Variants in ZNF532 observed in about 807,000 individuals in gnomAD.
ZNF532 encodes zinc finger protein 532.
ZNF532 carries 22 observed loss-of-function variants against 89.3 expected under a neutral mutation model. The ratio of observed to expected loss-of-function variants is 0.25; its 90% confidence interval spans 0.18 to 0.35. ZNF532 has a LOEUF of 0.35. ZNF532 is among the 10% of genes least tolerant of loss of function. ZNF532 has a pLI of 1.00. For missense variants in ZNF532, 1,132 were observed against 1,643.4 expected (o/e 0.69, Z 5.38); for synonymous variants, 606 against 649.6 (o/e 0.93, Z 1.02).
intron 7 of ZNF532, among the ~76,000 whole-genome samples, chr18:58,971,732 G>A (rs1353243164): frequency 6.6e-6 from 1 of 152,192 alleles, no homozygotes; most frequent in Non-Finnish European, 1.5e-5. Flanking sequence ...ATTTAAAGAG[G>A]CTTATTTTTC....
At chr18:58,969,462 G>C (rs754004348) in intron 7 of ZNF532, among the ~76,000 whole-genome samples, 1 of 152,152 alleles carries the variant, frequency 6.6e-6, no homozygotes, top group Non-Finnish European at 1.5e-5. Flanking sequence ...ATCGCTGCCC[G>C]GCAGCTTGGT....
At chr18:58,966,741 T>C (rs538077640) in intron 7 of ZNF532, among the ~76,000 whole-genome samples, 1,640 of 89,990 alleles carry the variant, frequency 0.018, 19 homozygotes, top group Admixed American at 0.027. Context: ...TTTTTGTGTT[T>C]TTTTTTTTTT....
At chr18:58,981,692 A>G in intron 9 of ZNF532, 75 bp downstream of exon 9, 1 of 1,573,098 alleles carries the variant, frequency 6.4e-7, no homozygotes, top group Non-Finnish European at 8.6e-7. Flanking sequence ...TTTCCTTTCA[A>G]GTTTTTGTTG....
At position 58,984,543 on chromosome 18, in the gene ZNF532, A is replaced by C; in HGVS notation, c.*77A>C. The C allele has an allele frequency of 6.6e-7, 1 of 1,511,960 alleles. No homozygotes were observed. The highest frequency in any genetic ancestry group is 8.8e-7 in the Non-Finnish European group (1 of 1,130,430). 93.7% of individuals were successfully genotyped at this position (1,511,960 alleles called of 1,614,324 possible). ...ATTTTTGTTACAAAGTTTGCAGTATAATAGAGTTAACAGTACTGTCTAGGC... is the reference window on the plus strand; with the variant it reads ...ATTTTTGTTACAAAGTTTGCAGTATCATAGAGTTAACAGTACTGTCTAGGC... On this transcript the variant is annotated 3_prime_UTR_variant, in exon 10 of 10. Coordinates refer to ENST00000591808, the MANE Select transcript of ZNF532 (RefSeq NM_001375912.1).
intron 7 of ZNF532, among the ~76,000 whole-genome samples, chr18:58,977,203 AAGAC>A (rs772229597): frequency 1.8e-4 from 28 of 152,222 alleles, no homozygotes; most frequent in Admixed American, 9.2e-4. Context: ...GTTTATTTAA[AAGAC>A]AGACAGTATT....
intron 9 of ZNF532, among the ~76,000 whole-genome samples, chr18:58,983,106 C>G (rs997087607): frequency 1.3e-5 from 2 of 151,910 alleles, no homozygotes; most frequent in African/African-American, 4.8e-5. Flanking sequence ...CGCGAGACTC[C>G]GTCTTAAAAA....
chr18:58,951,645 T>TGTTTTTTTTTTTTTG (rs2064172954), intron 6 of ZNF532, among the ~76,000 whole-genome samples: 7 of 89,022 alleles, frequency 7.9e-5, no homozygotes, highest in Admixed American at 1.6e-4. Context: ...CTCGCCCTGT[T>TGTTTTTTTTTTTTTG]GTTTTTTTTT....
At position 58,891,554 on chromosome 18, in the gene ZNF532, G is replaced by A. The variant is rs75677963; in HGVS notation, c.-18+25975G>A. On this transcript the variant is annotated intron_variant, in intron 2 of 9. Transcript: ENST00000591808. ...AAAATGAATGAATGAAACCTGGGAC[G>A]CTTGTACTTACGAACATTTAAAAAA... Among the ~76,000 whole-genome samples the A allele has an allele frequency of 6.7e-5, 10 of 149,210 alleles. No individual in the cohort carries two copies. In the East Asian group the frequency reaches 1.6e-3, roughly 23 times the overall value.
intron 8 of ZNF532, chr18:58,979,554 AT>A (rs1161245213): frequency 3.2e-5 from 5 of 154,662 alleles, no homozygotes; most frequent in Admixed American, 6.4e-5. Flanking sequence ...CACCCAGCTA[AT>A]TTTTGTATTT....
rs747574511 is a variant in ZNF532 at position 58,934,547 on chromosome 18, A to C, written c.2461A>C (p.Arg821=). 1 of 1,614,214 alleles carries C rather than the reference A, an allele frequency of 6.2e-7. No homozygotes were observed. ...CTGCCCTGAGTGTGGGGCCATCTGC[A>C]GGTCGGTGCACTTCCAGACCCACGT... ...YTCPECGAIC[R]SVHFQTHVTK... Residue 821 remains arginine (R), a synonymous_variant, in exon 4 of 10, where the codon AGG becomes CGG. Transcript: ENST00000591808.
At chr18:58,947,713 TAAA>T (rs201656764) in intron 5 of ZNF532, among the ~76,000 whole-genome samples, 2 of 146,700 alleles carry the variant, frequency 1.4e-5, no homozygotes, top group Non-Finnish European at 3.0e-5. Flanking sequence ...TGTCTGATCT[TAAA>T]AAAAAAAATC....
chr18:58,912,470 G>C (rs1192962767), intron 2 of ZNF532, among the ~76,000 whole-genome samples: 1 of 152,160 alleles, frequency 6.6e-6, no homozygotes, highest in Non-Finnish European at 1.5e-5. Context: ...AGAAAATGAA[G>C]CTCTTGTGCT....
intron 2 of ZNF532, among the ~76,000 whole-genome samples, chr18:58,884,013 T>G (rs2058106402): frequency 6.8e-6 from 1 of 147,794 alleles, no homozygotes. Context: ...TAGTTTTCTC[T>G]TCCATGTTTT....
intron 2 of ZNF532, among the ~76,000 whole-genome samples, chr18:58,887,066 C>G (rs1298785025): frequency 6.6e-6 from 1 of 152,166 alleles, no homozygotes; most frequent in African/African-American, 2.4e-5. Flanking sequence ...TACCTGGTTC[C>G]TAAGGCTTTT....
intron 2 of ZNF532, among the ~76,000 whole-genome samples, chr18:58,885,089 A>G (rs749152396): frequency 6.6e-6 from 1 of 151,846 alleles, no homozygotes; most frequent in Admixed American, 6.6e-5. Flanking sequence ...CCTGGGTTCA[A>G]GCGATTCTCT....
At chr18:58,896,624 T>C (rs2059269727) in intron 2 of ZNF532, 1 of 152,682 alleles carries the variant, frequency 6.5e-6, no homozygotes, top group Non-Finnish European at 1.5e-5. Context: ...TTTATCAAGG[T>C]ATAACAATAC....
intron 2 of ZNF532, among the ~76,000 whole-genome samples, chr18:58,904,838 C>CTTT (rs532227361): frequency 7.4e-6 from 1 of 135,184 alleles, no homozygotes; most frequent in African/African-American, 2.7e-5. Flanking sequence ...CTATTTCTTT[C>CTTT]TTTTTTTTTT....
rs185241856 is a variant in ZNF532, at chr18:58,887,759, C to T, written c.-18+22180C>T. Among the ~76,000 whole-genome samples, 21 of 152,288 alleles carry T rather than the reference C, an allele frequency of 1.4e-4. No homozygotes were observed. In the East Asian group the frequency reaches 3.9e-3, roughly 28 times the overall value. ...GCTGGTTGTGGTTAGTGTCCTCTTC[C>T]CAATCCTAGGGCCTATCTGAAGGCT... On this transcript the variant is annotated intron_variant, in intron 2 of 9. Transcript: ENST00000591808.
chr18:58,969,059 A>G (rs989855527), intron 7 of ZNF532, among the ~76,000 whole-genome samples: 7 of 152,236 alleles, frequency 4.6e-5, no homozygotes, highest in African/African-American at 1.7e-4. Flanking sequence ...AGACAGCACC[A>G]GAAGGTAACT....
Sources: allele counts gnomAD v4.1 joint callset (sites outside exome capture counted in the v4.1 genomes callset), GRCh38; gene constraint gnomAD v4.1.1; transcripts MANE v1.5; gene names NCBI Gene and HGNC (gene_info 2026-07-23, HGNC 2026-07-21).